Variants in PNPLA1 observed in about 807,000 individuals in gnomAD.
The protein encoded by PNPLA1 is omega-hydroxyceramide transacylase.
Under a neutral mutation model 51.7 loss-of-function variants are expected in PNPLA1, and 36 were observed. The observed-to-expected ratio is 0.70, with a 90% CI of 0.53 to 0.92. The LOEUF (loss-of-function observed/expected upper bound fraction) is 0.92. Ranked by LOEUF, PNPLA1 falls within the 40% of genes least tolerant of loss-of-function variation. The pLI is 0.00. For missense variants in PNPLA1, 658 were observed against 682.5 expected (o/e 0.96, Z 0.40); for synonymous variants, 293 against 280.1 (o/e 1.05, Z -0.46).
chr6:36,292,116 G>T (rs1770704497), intron 2 of PNPLA1, among the ~76,000 whole-genome samples: 1 of 152,158 alleles, frequency 6.6e-6, no homozygotes, highest in Admixed American at 6.5e-5. Flanking sequence ...GCCGCAGGTA[G>T]GTCCCAGTGT....
At chr6:36,250,961 C>A (rs569009699) in intron 1 of PNPLA1, among the ~76,000 whole-genome samples, 1 of 152,300 alleles carries the variant, frequency 6.6e-6, no homozygotes, top group East Asian at 1.9e-4. Context: ...CTCGGCCTCC[C>A]AAAGTGCTGG....
chr6:36,266,029 A>T (rs571542417), upstream of PNPLA1, among the ~76,000 whole-genome samples: 2 of 152,344 alleles, frequency 1.3e-5, no homozygotes, highest in African/African-American at 4.8e-5. Flanking sequence ...TCACTGAAGA[A>T]AGTCAGCTGC....
chr6:36,250,440 C>A (rs771467123), intron 1 of PNPLA1, among the ~76,000 whole-genome samples: 6 of 152,160 alleles, frequency 3.9e-5, no homozygotes, highest in Non-Finnish European at 7.3e-5. Flanking sequence ...GAGAAACCAA[C>A]CCCAGCAGTT....
At chr6:36,263,100 A>T (rs1177777695) in intron 1 of PNPLA1, among the ~76,000 whole-genome samples, 1 of 152,256 alleles carries the variant, frequency 6.6e-6, no homozygotes, top group Non-Finnish European at 1.5e-5. Context: ...ATTTTATTTT[A>T]TATGGGAGAG....
At chr6:36,303,359 C>G (rs1338324663) in intron 6 of PNPLA1, among the ~76,000 whole-genome samples, 1 of 152,206 alleles carries the variant, frequency 6.6e-6, no homozygotes, top group Admixed American at 6.5e-5. Context: ...TCCCAAAGTG[C>G]TGGGACTACA....
chr6:36,261,534 G>T (rs1392586630), intron 1 of PNPLA1, among the ~76,000 whole-genome samples: 1 of 152,212 alleles, frequency 6.6e-6, no homozygotes, highest in African/African-American at 2.4e-5. Context: ...TCATTCATCA[G>T]GCTTGTGAGT....
rs188538305 is a variant in PNPLA1, at chr6:36,258,416, A to T, written c.-81+15155A>T. Reference sequence around the variant, plus strand: ...TCCCTCAGCAAACAAACTACAAAAAATTTTTTAAAAAATCCATTGCTATTC... The same window carrying T: ...TCCCTCAGCAAACAAACTACAAAAATTTTTTTAAAAAATCCATTGCTATTC... On this transcript the variant is annotated intron_variant, in intron 1 of 7. Transcript: ENST00000312917. Among the ~76,000 whole-genome samples, 531 of 152,250 alleles carry T rather than the reference A, an allele frequency of 3.5e-3. 3 individuals are homozygous for T. Among genetic ancestry groups the T allele is most frequent in the Non-Finnish European group, 6.2e-3 (424 of 68,014 alleles).
chr6:36,301,688 C>T (rs776472496), intron 5 of PNPLA1, among the ~76,000 whole-genome samples, 173 bp from the exon 6 acceptor site: 3 of 152,168 alleles, frequency 2.0e-5, no homozygotes, highest in African/African-American at 4.8e-5. Flanking sequence ...CACACTACAC[C>T]GTAAGTGCCA....
intron 1 of PNPLA1, among the ~76,000 whole-genome samples, chr6:36,287,639 G>A (rs892776702): frequency 1.3e-5 from 2 of 152,128 alleles, no homozygotes; most frequent in Non-Finnish European, 2.9e-5. Context: ...CTTTCTACCA[G>A]CATAGATTTG....
intron 1 of PNPLA1, among the ~76,000 whole-genome samples, chr6:36,244,414 T>A (rs1769219410): frequency 6.6e-6 from 1 of 152,164 alleles, no homozygotes; most frequent in Non-Finnish European, 1.5e-5. Context: ...TTTTGTTTTT[T>A]TTTTTAACTT....
At chr6:36,269,400 C>T (rs1769840794), upstream of PNPLA1, among the ~76,000 whole-genome samples, 1 of 152,194 alleles carries the variant, frequency 6.6e-6, no homozygotes, top group Non-Finnish European at 1.5e-5. Flanking sequence ...AACCCTGGTC[C>T]TCTCACACCA....
chr6:36,307,806 G>A (rs754622881), intron 8 of PNPLA1, 94 bp downstream of exon 8: 7 of 1,473,500 alleles, frequency 4.8e-6, no homozygotes, highest in South Asian at 1.3e-5. Flanking sequence ...AGAGTGTAAG[G>A]GAGTAGGGGG....
At chr6:36,269,160 G>A (rs557530646), upstream of PNPLA1, among the ~76,000 whole-genome samples, 8 of 152,320 alleles carry the variant, frequency 5.3e-5, no homozygotes, top group East Asian at 1.9e-4. Flanking sequence ...CCCCAGAAGC[G>A]GGGAAGCCAC....
In PNPLA1 at chr6:36,296,850, A is replaced by G. The variant is rs561604646; in HGVS notation, c.775+1426A>G. Among the ~76,000 whole-genome samples the G allele has an allele frequency of 3.0e-4, 45 of 152,286 alleles. No individual in the cohort carries two copies. In the South Asian group the frequency reaches 7.0e-3, roughly 24 times the overall value. On this transcript the variant is annotated intron_variant, in intron 5 of 8. Transcript: ENST00000636260. The stretch of plus-strand genomic sequence containing the variant: ...CTTGGTTTCCTAATCTGTAAAAAAA[A>G]GGGGGTTTAGATCCTAGCTCCTGAC...
At chr6:36,304,395 G>A (rs985042998) in intron 6 of PNPLA1, among the ~76,000 whole-genome samples, 1 of 152,084 alleles carries the variant, frequency 6.6e-6, no homozygotes, top group Non-Finnish European at 1.5e-5. Context: ...AGAGGCAGAG[G>A]CAGGCAAGTC....
chr6:36,301,164 A>G (rs1029459982), intron 5 of PNPLA1, among the ~76,000 whole-genome samples: 176 of 112,052 alleles, frequency 1.6e-3, no homozygotes, highest in African/African-American at 5.9e-3. Flanking sequence ...TCTGTCACCC[A>G]AGCTGGAGCG....
intron 3 of PNPLA1, among the ~76,000 whole-genome samples, chr6:36,293,607 C>T (rs1203662932): frequency 6.6e-6 from 1 of 152,120 alleles, no homozygotes; most frequent in Non-Finnish European, 1.5e-5. Context: ...AGGTGCTGCC[C>T]GTGCTGCTGG....
chr6:36,256,692 C>T (rs1352767610), intron 1 of PNPLA1, among the ~76,000 whole-genome samples: 5 of 152,122 alleles, frequency 3.3e-5, no homozygotes, highest in African/African-American at 1.2e-4. Flanking sequence ...GTGATCCACC[C>T]GCCTCAGGCT....
intron 1 of PNPLA1, among the ~76,000 whole-genome samples, chr6:36,289,171 T>C (rs897118394): frequency 1.1e-4 from 16 of 152,236 alleles, no homozygotes; most frequent in Admixed American, 9.2e-4. Flanking sequence ...ACAATAAGCA[T>C]GTCTGATTTT....
Sources: gnomAD v4.1 joint callset for allele counts (sites outside exome capture counted in the v4.1 genomes callset) on GRCh38, gnomAD v4.1.1 for gene constraint, MANE v1.5 for transcripts, NCBI Gene and HGNC (gene_info 2026-07-23, HGNC 2026-07-21) for gene names.